TRARG1: variants seen among roughly 807,000 people sequenced by gnomAD.
TRARG1 encodes the protein trafficking regulator of GLUT4 (SLC2A4) 1 (gene/pseudogene).
In TRARG1, 16 loss-of-function variants were observed where a neutral mutation model predicts 13.3. The observed-to-expected ratio is 1.20, with a 90% CI of 0.81 to 1.83. The LOEUF is 1.83. TRARG1 is among the 40% of genes most tolerant of loss of function. TRARG1 has a pLI of 0.00. For synonymous variants in TRARG1, 113 were observed against 106.2 expected (o/e 1.06, Z -0.39); for missense variants, 250 against 237.4 (o/e 1.05, Z -0.35).
At chr17:1,287,047 G>A (rs1451050106) in intron 1 of TRARG1, among the ~76,000 whole-genome samples, 1 of 151,982 alleles carries the variant, frequency 6.6e-6, no homozygotes, top group Non-Finnish European at 1.5e-5. Context: ...GCTGTGCTGG[G>A]AGGGAGCGAG....
chr17:1,297,755 C>T (rs533946033), intron 2 of TRARG1, among the ~76,000 whole-genome samples: 1 of 152,124 alleles, frequency 6.6e-6, no homozygotes, highest in Non-Finnish European at 1.5e-5. Flanking sequence ...AGGCACGTGC[C>T]ACCACGCCCG....
rs544371647 is a variant in TRARG1, at chr17:1,292,141, C to A, written c.388-3350C>A. Among the ~76,000 whole-genome samples the A allele has an allele frequency of 3.2e-4, 48 of 152,190 alleles. 2 individuals are homozygous for A. In the South Asian group the frequency reaches 8.5e-3, roughly 27 times the overall value. ...CGAGATCTCGCCATTGCACTACAGC[C>A]TGGGCAACAAGAGCAAAACTCCATC... On this transcript the variant is annotated intron_variant, in intron 1 of 2. Transcript: ENST00000333813.
At chr17:1,290,041 C>T (rs568231586) in intron 1 of TRARG1, among the ~76,000 whole-genome samples, 1 of 152,316 alleles carries the variant, frequency 6.6e-6, no homozygotes, top group African/African-American at 2.4e-5. Context: ...TGTTCCTCCC[C>T]CATACTCCAT....
intron 1 of TRARG1, 60 bp downstream of exon 1, chr17:1,280,448 C>A: frequency 1.3e-6 from 2 of 1,488,774 alleles, no homozygotes; most frequent in South Asian, 1.3e-5. Flanking sequence ...CAGGTGTTTC[C>A]CCCAGGCAGG....
At chr17:1,281,689 G>T (rs988640958) in intron 1 of TRARG1, among the ~76,000 whole-genome samples, 7 of 152,110 alleles carry the variant, frequency 4.6e-5, no homozygotes, top group African/African-American at 1.4e-4. Flanking sequence ...AGGACCCAGG[G>T]GTGCAGCCAG....
rs1255280363 is a variant in TRARG1 at position 1,280,128 on chromosome 17, C to T, written c.127C>T (p.Leu43=). ...AENKDDKTLN[L]SKTLSGPLDL... ...GAACAAGGATGACAAGACCCTGAAT[C>T]TGTCCAAGACCCTCTCGGGGCCTCT... The change falls in exon 1 of 3, where the codon CTG becomes TTG. Residue 43 remains leucine, a synonymous_variant. Coordinates refer to ENST00000333813, the MANE Select transcript of TRARG1 (RefSeq NM_172367.3). The T allele has an allele frequency of 6.2e-7, 1 of 1,613,962 alleles. No individual in the cohort carries two copies. Among genetic ancestry groups the T allele is most frequent in the Non-Finnish European group, 8.5e-7 (1 of 1,180,042 alleles).
chr17:1,295,191 C>T (rs867099780), intron 1 of TRARG1, among the ~76,000 whole-genome samples: 4 of 152,360 alleles, frequency 2.6e-5, no homozygotes, highest in Non-Finnish European at 4.4e-5. Context: ...GGCCCTCGGT[C>T]TCTAGCCTGC....
At chr17:1,283,231 C>T (rs1008259740) in intron 1 of TRARG1, among the ~76,000 whole-genome samples, 3 of 152,154 alleles carry the variant, frequency 2.0e-5, no homozygotes, top group African/African-American at 7.2e-5. Flanking sequence ...ATGGGTATAA[C>T]CTCAATGCCT....
At chr17:1,282,234 A>ATACACGTG (rs2071984495) in intron 1 of TRARG1, among the ~76,000 whole-genome samples, 2 of 126,616 alleles carry the variant, frequency 1.6e-5, no homozygotes, top group African/African-American at 6.2e-5. Flanking sequence ...GCGTATATGT[A>ATACACGTG]CGTATATGCA....
chr17:1,282,217 TAC>T (rs752836110), intron 1 of TRARG1, among the ~76,000 whole-genome samples: 1 of 95,460 alleles, frequency 1.0e-5, no homozygotes, highest in Non-Finnish European at 2.1e-5. Flanking sequence ...TATGTACGTA[TAC>T]ACGTGCGTAT....
In TRARG1 at chr17:1,298,315, G is replaced by T. The variant is rs766565250; in HGVS notation, c.*51G>T. The T allele has an allele frequency of 6.2e-6, 10 of 1,605,416 alleles. No individual in the cohort carries two copies. The highest frequency in any genetic ancestry group is 8.5e-6 in the Non-Finnish European group (10 of 1,175,232). On this transcript the variant is annotated 3_prime_UTR_variant, in exon 3 of 3. Transcript: ENST00000333813. ...GAGGCCGGCCCTGGCCATCGGGAGA[G>T]CTCTGACCTGCACACCGCGGGAGGC...
chr17:1,292,172 AAC>A, intron 1 of TRARG1, among the ~76,000 whole-genome samples: 1 of 44,908 alleles, frequency 2.2e-5, no homozygotes, highest in Non-Finnish European at 4.1e-5. Context: ...CCATCTCAAA[AAC>A]AAAACAAAAC....
intron 1 of TRARG1, among the ~76,000 whole-genome samples, chr17:1,282,864 A>T (rs1034416772): frequency 6.6e-6 from 1 of 151,482 alleles, no homozygotes; most frequent in African/African-American, 2.4e-5. Flanking sequence ...TAATTTTTGT[A>T]TTTTTAGTAG....
Position 1,280,147 on chromosome 17 carries a change from G to C in TRARG1, c.146G>C (p.Gly49Ala). Residue 49 changes from glycine (G) to alanine (A), a missense_variant, in exon 1 of 3, where the codon GGG becomes GCG. By Grantham distance (60) the Gly-to-Ala change is moderately conservative (BLOSUM62 0). Transcript: ENST00000333813. The stretch of plus-strand genomic sequence containing the variant: ...CTGAATCTGTCCAAGACCCTCTCGG[G>C]GCCTCTGGATCTGGAGCAGAACAGC... The part of the protein sequence containing the change: ...KTLNLSKTLS[G>A]PLDLEQNSQG... 6.2e-7 allele frequency: 1 copy of C among 1,613,994 alleles called. No individual in the cohort carries two copies. The highest frequency in any genetic ancestry group is 1.3e-5 in the African/African-American group (1 of 75,068).
intron 1 of TRARG1, among the ~76,000 whole-genome samples, chr17:1,282,276 G>GTACGTATATGTCCATATGCGTA (rs2071986553): frequency 1.5e-5 from 1 of 68,522 alleles, no homozygotes; most frequent in African/African-American, 7.4e-5. Flanking sequence ...ATATATGCAC[G>GTACGTATATGTCCATATGCGTA]TATATGTACA....
Position 1,299,201 on chromosome 17 carries a change from C to T in TRARG1, c.*937C>T, listed in dbSNP as rs2072136641. 1 of 152,350 alleles carries T rather than the reference C, an allele frequency of 6.6e-6. No homozygotes were observed. Among genetic ancestry groups the T allele is most frequent in the Non-Finnish European group, 1.5e-5 (1 of 68,152 alleles). 9.4% of individuals were successfully genotyped at this position (152,350 alleles called of 1,614,324 possible). A position where few individuals can be genotyped will look rare whatever the true frequency, so the allele number is the denominator to read the frequency against. On this transcript the variant is annotated 3_prime_UTR_variant, in exon 3 of 3. Coordinates refer to ENST00000333813, the MANE Select transcript of TRARG1 (RefSeq NM_172367.3). ...CTGGTGCTGCTTAGGTAGTTTCAGG[C>T]TTCCAGCCCAGCCCTATGCTCTGTG... is the stretch of plus-strand genomic sequence containing the variant.
In TRARG1 at chr17:1,300,028, A is replaced by T. The variant is rs747793889; in HGVS notation, c.*1764A>T. 6.6e-6 allele frequency: 1 copy of T among 152,214 alleles called. No individual in the cohort carries two copies. The highest frequency in any genetic ancestry group is 6.6e-5 in the Admixed American group (1 of 15,264). The allele number at this position is 152,214 out of a possible 1,614,324, so 9.4% of individuals were successfully genotyped here. On this transcript the variant is annotated 3_prime_UTR_variant, in exon 3 of 3. Transcript: ENST00000333813. The stretch of plus-strand genomic sequence containing the variant: ...CTGGTCCTTTGGGGCTGGTGTTCCT[A>T]CGTCAGTCCCCACCTGGGGAATAAA...
At chr17:1,288,459 C>T in intron 1 of TRARG1, among the ~76,000 whole-genome samples, 1 of 100,904 alleles carries the variant, frequency 9.9e-6, no homozygotes, top group Non-Finnish European at 2.0e-5. Context: ...CCCACGGGTT[C>T]CTCATCCCCC....
chr17:1,284,126 G>A lies in TRARG1; in HGVS notation c.387+3738G>A, dbSNP rs57127402. 9.9e-3 allele frequency among the ~76,000 whole-genome samples: 1,479 copies of A among 149,660 alleles called. 24 individuals carry two copies. Among genetic ancestry groups the A allele is most frequent in the African/African-American group, 0.035 (1,396 of 40,450 alleles). On this transcript the variant is annotated intron_variant, in intron 1 of 2. Transcript: ENST00000333813. ...CAAGATTCTGTCTCAAAAAAAAAAA[G>A]AAAGAAAGAAAGAAAGAAAAGAAAG...
Sources: gnomAD v4.1 joint callset for allele counts (sites outside exome capture counted in the v4.1 genomes callset) on GRCh38, gnomAD v4.1.1 for gene constraint, MANE v1.5 for transcripts, NCBI Gene and HGNC (gene_info 2026-07-23, HGNC 2026-07-21) for gene names.